The following EPC2 variants were observed in gnomAD, a reference collection of about 807,000 sequenced individuals.
EPC2 encodes enhancer of polycomb 2, also known as enhancer of polycomb homolog 2.
Under a neutral mutation model 92.1 loss-of-function variants are expected in EPC2, and 14 were observed. The observed-to-expected ratio is 0.15, with a 90% CI of 0.10 to 0.24. The LOEUF is 0.24. EPC2 is among the 10% of genes least tolerant of loss of function. The probability of loss-of-function intolerance (pLI) is 1.00; values close to 1 mark genes in which losing one functional copy is unlikely to be tolerated. For missense variants in EPC2, 755 were observed against 971.5 expected (o/e 0.78, Z 2.96); for synonymous variants, 340 against 334.7 (o/e 1.02, Z -0.17).
At chr2:148,776,223 G>A (rs1574637655) in intron 10 of EPC2, among the ~76,000 whole-genome samples, 1 of 152,118 alleles carries the variant, frequency 6.6e-6, no homozygotes, top group South Asian at 2.1e-4. Flanking sequence ...TTGATATAAT[G>A]TGATTTAACA....
chr2:148,741,978 C>T lies in EPC2; in HGVS notation c.314-1644C>T, dbSNP rs185739331. 1.2e-3 allele frequency among the ~76,000 whole-genome samples: 181 copies of T among 152,202 alleles called. 1 individual carries two copies. Among genetic ancestry groups the T allele is most frequent in the African/African-American group, 4.0e-3 (164 of 41,514 alleles). On this transcript the variant is annotated intron_variant, in intron 2 of 13. Transcript: ENST00000258484. ...CCTTTTTAAAACACATATATTAGTG[C>T]GCTATATATACTATTCCTCCCCTTA...
intron 1 of EPC2, among the ~76,000 whole-genome samples, chr2:148,658,973 G>A (rs1003328817): frequency 6.6e-6 from 1 of 151,986 alleles, no homozygotes; most frequent in African/African-American, 2.4e-5. Context: ...GTTTGTATTT[G>A]TAATAGATCA....
chr2:148,781,805 T>TA (rs1213322494), intron 11 of EPC2, 25 bp downstream of exon 11: 7 of 1,611,960 alleles, frequency 4.3e-6, no homozygotes, highest in East Asian at 4.5e-5. Context: ...TCGTCATAGT[T>TA]ACGTTTGTTT....
chr2:148,665,753 C>G (rs2105357584), intron 1 of EPC2, among the ~76,000 whole-genome samples: 1 of 152,252 alleles, frequency 6.6e-6, no homozygotes, highest in South Asian at 2.1e-4. Flanking sequence ...CTTCATACCC[C>G]TCACAGGCAG....
chr2:148,765,842 C>T (rs922978667), intron 7 of EPC2, among the ~76,000 whole-genome samples: 3 of 152,068 alleles, frequency 2.0e-5, no homozygotes, highest in African/African-American at 7.2e-5. Context: ...TCTAGACCAT[C>T]CTGGCTAACA....
intron 1 of EPC2, among the ~76,000 whole-genome samples, chr2:148,675,442 T>G (rs1193125889): frequency 5.3e-5 from 8 of 152,238 alleles, no homozygotes; most frequent in African/African-American, 1.9e-4. Flanking sequence ...GAATCTTGTC[T>G]TCTCGTTTTA....
chr2:148,651,862 T>G (rs1680693927), intron 1 of EPC2, among the ~76,000 whole-genome samples: 1 of 152,134 alleles, frequency 6.6e-6, no homozygotes, highest in East Asian at 1.9e-4. Context: ...AGGAAGAAAC[T>G]GAAACTTTAG....
At chr2:148,693,647 T>C (rs1681684468) in intron 2 of EPC2, among the ~76,000 whole-genome samples, 1 of 152,200 alleles carries the variant, frequency 6.6e-6, no homozygotes, top group Non-Finnish European at 1.5e-5. Context: ...TATTACCTAG[T>C]ACAGTCCCAG....
rs138151231 is a variant in EPC2 at position 148,657,884 on chromosome 2, T to TTTTG, written c.153+12715_153+12716insTTGT. On this transcript the variant is annotated intron_variant, in intron 1 of 13. Coordinates refer to ENST00000258484, the MANE Select transcript of EPC2 (RefSeq NM_015630.4). ...AATGTTTTTTTGACTATCACTCATT[T>TTTTG]TGTGTGTGTGTGTGTGTGTGTGTAA... 3.5e-4 allele frequency among the ~76,000 whole-genome samples: 53 copies of TTTTG among 149,734 alleles called. 1 individual carries two copies. In the East Asian group the frequency reaches 9.7e-3, roughly 27 times the overall value.
intron 1 of EPC2, among the ~76,000 whole-genome samples, chr2:148,654,040 C>T (rs921591536): frequency 5.3e-5 from 8 of 151,330 alleles, no homozygotes; most frequent in African/African-American, 1.7e-4. Context: ...CTCTGCCTCC[C>T]TGGTTCAAGT....
At chr2:148,750,294 A>G (rs1269842915) in intron 3 of EPC2, among the ~76,000 whole-genome samples, 3 of 152,188 alleles carry the variant, frequency 2.0e-5, no homozygotes, top group East Asian at 1.9e-4. Context: ...TCACCTTTCT[A>G]TGGGAGAGAA....
chr2:148,767,861 G>T (rs530407216), intron 7 of EPC2, among the ~76,000 whole-genome samples: 1 of 152,298 alleles, frequency 6.6e-6, no homozygotes, highest in East Asian at 1.9e-4. Flanking sequence ...CTGAGACTTT[G>T]TGACACTTCC....
intron 1 of EPC2, among the ~76,000 whole-genome samples, chr2:148,683,395 G>A (rs941623388): frequency 6.6e-6 from 1 of 151,856 alleles, no homozygotes; most frequent in African/African-American, 2.4e-5. Flanking sequence ...AGCCTCCCAA[G>A]TAGCTGGGAC....
intron 10 of EPC2, among the ~76,000 whole-genome samples, chr2:148,777,479 C>T (rs1231149684): frequency 6.6e-6 from 1 of 152,054 alleles, no homozygotes. Flanking sequence ...TCCAGAAGAT[C>T]CAGAGTGTAT....
chr2:148,691,718 CT>C, intron 2 of EPC2: 1 of 1,107,358 alleles, frequency 9.0e-7, no homozygotes, highest in Non-Finnish European at 1.3e-6. Context: ...TTAATTTAGG[CT>C]GCAGATCTGC....
At chr2:148,722,940 G>A (rs1682412937) in intron 2 of EPC2, among the ~76,000 whole-genome samples, 1 of 152,196 alleles carries the variant, frequency 6.6e-6, no homozygotes, top group Non-Finnish European at 1.5e-5. Flanking sequence ...AATACTGCAT[G>A]TTCTCACTTA....
chr2:148,731,335 TTCTG>T (rs973366400), intron 2 of EPC2, among the ~76,000 whole-genome samples: 1 of 152,232 alleles, frequency 6.6e-6, no homozygotes, highest in African/African-American at 2.4e-5. Flanking sequence ...GTGCTTGTGT[TTCTG>T]TCTTATTTAG....
At chr2:148,727,181 A>G (rs1256461240) in intron 2 of EPC2, among the ~76,000 whole-genome samples, 1 of 152,226 alleles carries the variant, frequency 6.6e-6, no homozygotes, top group Non-Finnish European at 1.5e-5. Flanking sequence ...CATTTATTGA[A>G]GAGACTGTCC....
At chr2:148,666,853 A>G (rs114110246) in intron 1 of EPC2, among the ~76,000 whole-genome samples, 3,940 of 141,632 alleles carry the variant, frequency 0.028, 59 homozygotes, top group East Asian at 0.035. Context: ...TGAAACTTTA[A>G]TAAGCCATTG....
Sources: gnomAD v4.1 joint callset for allele counts (sites outside exome capture counted in the v4.1 genomes callset) on GRCh38, gnomAD v4.1.1 for gene constraint, MANE v1.5 for transcripts, NCBI Gene and HGNC (gene_info 2026-07-23, HGNC 2026-07-21) for gene names.